Variants in FBXO25 observed in about 807,000 individuals in gnomAD.
FBXO25 encodes the protein F-box protein 25, also known as F-box only protein 25.
In FBXO25, 45 loss-of-function variants were observed where a neutral mutation model predicts 51.9. The observed-to-expected ratio is 0.87, with a 90% CI of 0.68 to 1.11. The LOEUF is 1.11. Among genes scored for constraint, FBXO25 ranks in the 50% most tolerant of loss-of-function variants. The probability of loss-of-function intolerance (pLI) is 0.00; values close to 1 mark genes in which losing one functional copy is unlikely to be tolerated. For synonymous variants in FBXO25, 199 were observed against 151.0 expected, an observed-to-expected ratio of 1.32 and a Z score of -2.33; for missense variants, 507 against 428.5, an observed-to-expected ratio of 1.18 and a Z score of -1.62.
Position 475,067 on chromosome 8 carries a change from T to TA in FBXO25, c.*6264dup. The TA allele has an allele frequency of 2.6e-6, 1 of 384,274 alleles. No individual in the cohort carries two copies. The highest frequency in any genetic ancestry group is 5.0e-6 in the Non-Finnish European group (1 of 199,392). 23.8% of individuals were successfully genotyped at this position (384,274 alleles called of 1,614,324 possible). ...ATCCAATGTTGTTAAAAGTTTCCCT[T>TA]ATGTTTCTCCTAAATGTTTTAGTTT... On this transcript the variant is annotated 3_prime_UTR_variant, in exon 10 of 10. Coordinates refer to ENST00000350302, the MANE Select transcript of FBXO25 (RefSeq NM_183420.2).
chr8:420,562 A>C (rs1359691600), intron 2 of FBXO25: 2 of 152,242 alleles, frequency 1.3e-5, no homozygotes, highest in African/African-American at 4.8e-5. Flanking sequence ...TGAATAAACA[A>C]ATTGTGGTAA....
chr8:411,752 G>T (rs1216714502), intron 1 of FBXO25, among the ~76,000 whole-genome samples: 1 of 152,092 alleles, frequency 6.6e-6, no homozygotes, highest in African/African-American at 2.4e-5. Context: ...TGGTAGGGAG[G>T]GGGTTGAGGC....
chr8:446,407 G>A (rs1024709281), intron 5 of FBXO25, among the ~76,000 whole-genome samples: 2 of 152,206 alleles, frequency 1.3e-5, no homozygotes, highest in African/African-American at 4.8e-5. Flanking sequence ...CCTATCTGGG[G>A]AGGCTTTGGT....
At chr8:421,716 C>G (rs901266256) in intron 2 of FBXO25, among the ~76,000 whole-genome samples, 1 of 152,122 alleles carries the variant, frequency 6.6e-6, no homozygotes, top group Admixed American at 6.5e-5. Flanking sequence ...GCATCAGTGA[C>G]TAGAGCCAGC....
rs936744617 is a variant in FBXO25 at position 473,671 on chromosome 8, T to C, written c.*4867T>C. The stretch of plus-strand genomic sequence containing the variant: ...GAAGGCACTGCTGGTGCCACAGGGG[T>C]CCTGGGCTGGCTCTTGGACCATAAC... On this transcript the variant is annotated 3_prime_UTR_variant, in exon 10 of 10. Coordinates refer to ENST00000350302, the MANE Select transcript of FBXO25 (RefSeq NM_183420.2). 1.3e-5 allele frequency: 2 copies of C among 152,120 alleles called. No homozygotes were observed. Among genetic ancestry groups the C allele is most frequent in the African/African-American group, 2.4e-5 (1 of 41,412 alleles). The allele number at this position is 152,120 out of a possible 1,614,324, so 9.4% of individuals were successfully genotyped here.
Position 469,055 on chromosome 8 carries a change from ACT to A in FBXO25, c.*262_*263del, listed in dbSNP as rs35458213. 3.1e-4 allele frequency: 136 copies of A among 439,704 alleles called. No individual in the cohort carries two copies. The highest frequency in any genetic ancestry group is 6.0e-4 in the Middle Eastern group (1 of 1,672). The allele number at this position is 439,704 out of a possible 1,614,324, so 27.2% of individuals were successfully genotyped here. On this transcript the variant is annotated 3_prime_UTR_variant, in exon 10 of 10. Transcript: ENST00000350302. ...CATATTAAAATGTGAAATTTTGCGT[ACT>A]CTCTCTCTCTATATATATAGTTCAA...
chr8:465,888 C>T (rs1288991727), intron 9 of FBXO25, among the ~76,000 whole-genome samples: 2 of 152,064 alleles, frequency 1.3e-5, no homozygotes, highest in Non-Finnish European at 2.9e-5. Flanking sequence ...ATGATGTAGC[C>T]TTCCAAAAGA....
intron 5 of FBXO25, among the ~76,000 whole-genome samples, chr8:447,596 A>C (rs1379552550): frequency 2.0e-5 from 3 of 152,178 alleles, no homozygotes; most frequent in Non-Finnish European, 2.9e-5. Flanking sequence ...TTAGAACTGG[A>C]AGTGTTTTAG....
In FBXO25 at chr8:470,259, C is replaced by T. The variant is rs369495869; in HGVS notation, c.*1455C>T. 5.3e-5 allele frequency: 8 copies of T among 152,086 alleles called. No individual in the cohort carries two copies. The highest frequency in any genetic ancestry group is 1.2e-4 in the African/African-American group (5 of 41,394). 9.4% of individuals were successfully genotyped at this position (152,086 alleles called of 1,614,324 possible). ...AAGCATCGTCACACAACAATGTGGC[C>T]GTCTCCTTACAACCACTGGTAGTAC... On this transcript the variant is annotated 3_prime_UTR_variant, in exon 10 of 10. Transcript: ENST00000350302.
intron 2 of FBXO25, among the ~76,000 whole-genome samples, chr8:425,740 G>C (rs2117554954): frequency 6.6e-6 from 1 of 151,898 alleles, no homozygotes; most frequent in East Asian, 1.9e-4. Context: ...TATGCAGTAT[G>C]GTGTTTGATT....
At chr8:464,507 C>T (rs553829698) in intron 9 of FBXO25, among the ~76,000 whole-genome samples, 1 of 152,302 alleles carries the variant, frequency 6.6e-6, no homozygotes, top group East Asian at 1.9e-4. Flanking sequence ...CTGCCTCTTG[C>T]CTTCTCTAGG....
intron 5 of FBXO25, among the ~76,000 whole-genome samples, chr8:439,060 G>C (rs1368878962): frequency 1.3e-5 from 2 of 152,210 alleles, no homozygotes; most frequent in Non-Finnish European, 2.9e-5. Context: ...ACTCAGAGGT[G>C]CCCAGCAAAC....
rs1033472083 is a variant in FBXO25 at position 408,237 on chromosome 8, T to C, written c.-8+1171T>C. ...GGTCTTTTAAGATGGATTGGAGTTT[T>C]CTTTCCTGTGTTGTATTCCTTGTTT... On this transcript the variant is annotated intron_variant, in intron 1 of 9. Coordinates refer to ENST00000350302, the MANE Select transcript of FBXO25 (RefSeq NM_183420.2). 1.2e-4 allele frequency among the ~76,000 whole-genome samples: 18 copies of C among 152,212 alleles called. 1 individual carries two copies. Among genetic ancestry groups the C allele is most frequent in the Non-Finnish European group, 1.9e-4 (13 of 68,036 alleles).
intron 2 of FBXO25, among the ~76,000 whole-genome samples, chr8:418,785 A>C (rs1304307916): frequency 6.6e-6 from 1 of 152,228 alleles, no homozygotes; most frequent in Non-Finnish European, 1.5e-5. Context: ...AAGTTTTTTT[A>C]ACCAAGGTAG....
intron 2 of FBXO25, among the ~76,000 whole-genome samples, chr8:428,614 T>C (rs1797635692): frequency 6.6e-6 from 1 of 152,212 alleles, no homozygotes; most frequent in Non-Finnish European, 1.5e-5. Flanking sequence ...ATTCACACTA[T>C]TGTGCAACCA....
intron 5 of FBXO25, among the ~76,000 whole-genome samples, chr8:446,443 G>GGCTT (rs1271796436): frequency 6.6e-6 from 1 of 152,196 alleles, no homozygotes; most frequent in Non-Finnish European, 1.5e-5. Context: ...ACGGCTGGCT[G>GGCTT]GCTTCATCTC....
At chr8:461,333 A>G (rs1054986544) in intron 8 of FBXO25, among the ~76,000 whole-genome samples, 1 of 152,218 alleles carries the variant, frequency 6.6e-6, no homozygotes, top group African/African-American at 2.4e-5. Context: ...AAAGAAAAAG[A>G]GATTTAATGG....
intron 7 of FBXO25, among the ~76,000 whole-genome samples, chr8:455,659 T>G (rs1218280140): frequency 1.3e-5 from 2 of 152,190 alleles, no homozygotes; most frequent in African/African-American, 4.8e-5. Context: ...GAAGTGGGAA[T>G]CATTGACAGT....
intron 9 of FBXO25, chr8:468,043 A>T: frequency 7.9e-7 from 1 of 1,271,742 alleles, no homozygotes; most frequent in African/African-American, 1.5e-5. Context: ...AGGGCATGCC[A>T]TGGAGAGATC....
Sources: allele counts gnomAD v4.1 joint callset (sites outside exome capture counted in the v4.1 genomes callset), GRCh38; gene constraint gnomAD v4.1.1; transcripts MANE v1.5; gene names NCBI Gene and HGNC (gene_info 2026-07-23, HGNC 2026-07-21).